PES1: variants seen among roughly 807,000 people sequenced by gnomAD.
PES1 encodes the protein pescadillo ribosomal biogenesis factor 1.
PES1 carries 31 observed loss-of-function variants against 77.1 expected under a neutral mutation model. The observed-to-expected ratio is 0.40, with a 90% CI of 0.30 to 0.54. PES1 has a LOEUF of 0.54. Among genes scored for constraint, PES1 ranks in the 20% least tolerant of loss-of-function variants. The pLI is 0.45. For synonymous variants in PES1, 282 were observed against 303.0 expected, an observed-to-expected ratio of 0.93 and a Z score of 0.72; for missense variants, 658 against 771.7, an observed-to-expected ratio of 0.85 and a Z score of 1.75.
intron 2 of PES1, chr22:30,601,797 C>T (rs1238282988): frequency 2.0e-5 from 3 of 148,400 alleles, no homozygotes; most frequent in Admixed American, 1.3e-4. Flanking sequence ...TTTCCAGACA[C>T]AGTCTCGCTC....
chr22:30,583,176 G>A (rs2087012793), intron 6 of PES1, among the ~76,000 whole-genome samples: 1 of 152,164 alleles, frequency 6.6e-6, no homozygotes, highest in Non-Finnish European at 1.5e-5. Context: ...AGGAGGAGGA[G>A]AGGAGGGCTG....
At chr22:30,598,126 C>T (rs769612887) in intron 2 of PES1, among the ~76,000 whole-genome samples, 14 of 152,110 alleles carry the variant, frequency 9.2e-5, no homozygotes, top group Non-Finnish European at 1.5e-4. Context: ...AAGTTTTATT[C>T]TTTCACTGTT....
At chr22:30,579,520 T>C in intron 12 of PES1, 1 of 750,612 alleles carries the variant, frequency 1.3e-6, no homozygotes, top group Non-Finnish European at 2.1e-6. Context: ...TCGCCTCCAA[T>C]GTAAACTCTG....
At chr22:30,592,168 T>C (rs2087191839), upstream of PES1, 1 of 1,117,380 alleles carries the variant, frequency 8.9e-7, no homozygotes, top group African/African-American at 1.6e-5. Flanking sequence ...CCTCGTTGCA[T>C]GTTGGGACGG....
At chr22:30,590,536 C>T (rs550548932) in intron 1 of PES1, among the ~76,000 whole-genome samples, 2 of 152,312 alleles carry the variant, frequency 1.3e-5, no homozygotes, top group South Asian at 4.1e-4. Context: ...GAGTTTCAGA[C>T]TGCCTTAAGA....
intron 4 of PES1, 84 bp from the exon 5 acceptor site, chr22:30,584,801 G>GC: frequency 4.3e-6 from 6 of 1,411,612 alleles, no homozygotes; most frequent in Non-Finnish European, 5.8e-6. Flanking sequence ...CACCCCAGAT[G>GC]CCCCGTTCCT....
chr22:30,579,969 GA>G (rs2086958149), intron 11 of PES1, 34 bp from the exon 12 acceptor site: 1 of 1,611,556 alleles, frequency 6.2e-7, no homozygotes, highest in Non-Finnish European at 8.5e-7. Context: ...ACGAGTCACA[GA>G]GGGCAACTCA....
chr22:30,601,349 C>G (rs975839759), intron 2 of PES1, among the ~76,000 whole-genome samples: 6 of 151,962 alleles, frequency 3.9e-5, no homozygotes, highest in Non-Finnish European at 7.3e-5. Context: ...GAGTCTCAGT[C>G]CGTCGCCCAG....
chr22:30,584,122 C>A lies in PES1; in HGVS notation c.630+243G>T, dbSNP rs1380024917. The stretch of plus-strand genomic sequence containing the variant: ...AGGGTGTAGACACTGTTAACTGAGG[C>A]ACAGAGAGGTGAAAGGAACACGTCC... On this transcript the variant is annotated intron_variant, in intron 6 of 14. Coordinates refer to ENST00000354694, the MANE Select transcript of PES1 (RefSeq NM_014303.4). The A allele has an allele frequency of 3.6e-5, 20 of 549,080 alleles. No individual in the cohort carries two copies. The South Asian group carries it at 4.0e-4, about 11-fold the overall frequency. 34.0% of individuals were successfully genotyped at this position (549,080 alleles called of 1,614,324 possible).
At position 30,584,577 on chromosome 22, in the gene PES1, T is replaced by A. The variant is rs1448008487; in HGVS notation, c.509A>T (p.His170Leu). ...CAGGGCACGGGCAGCGATAATGTAG[T>A]GCATGAACTCCACAGTGAGCCGGCG... ...LCRRLTVEFMHYIIAARALRK... is the reference protein window; with the variant it reads ...LCRRLTVEFMLYIIAARALRK... Residue 170 changes from histidine (H) to leucine (L), a missense_variant, in exon 5 of 15, where the codon CAC becomes CTC. His to Leu is a moderately conservative substitution (Grantham distance 99). Transcript: ENST00000354694. The A allele has an allele frequency of 6.2e-7, 1 of 1,612,398 alleles. No individual in the cohort carries two copies. Among genetic ancestry groups the A allele is most frequent in the African/African-American group, 1.3e-5 (1 of 74,842 alleles).
chr22:30,592,842 G>T (rs1033371440), upstream of PES1, among the ~76,000 whole-genome samples: 1 of 151,182 alleles, frequency 6.6e-6, no homozygotes, highest in Non-Finnish European at 1.5e-5. Flanking sequence ...CAACATATTC[G>T]AGCTTTTAAT....
rs867948632 is a variant in PES1 at position 30,588,068 on chromosome 22, T to C, written c.211A>G (p.Arg71Gly). 4 of 1,614,180 alleles carry C rather than the reference T, an allele frequency of 2.5e-6. No individual in the cohort carries two copies. Among genetic ancestry groups the C allele is most frequent in the African/African-American group, 1.3e-5 (1 of 75,044 alleles). ...ACAATGGGTTCGTGGAGGAGAAACC[T>C]GATGTCTTTGATAAGGTAAAACGTT... is the stretch of plus-strand genomic sequence containing the variant. ...ARTFYLIKDI[R>G]FLLHEPIVNK... Residue 71 changes from arginine to glycine, a missense_variant, in exon 3 of 15, where the codon AGG becomes GGG. Coordinates refer to ENST00000354694, the MANE Select transcript of PES1 (RefSeq NM_014303.4).
intron 6 of PES1, 168 bp downstream of exon 6, chr22:30,584,197 C>T (rs915660362): frequency 1.6e-6 from 1 of 633,000 alleles, no homozygotes; most frequent in African/African-American, 1.8e-5. Context: ...TAGGCTCCCG[C>T]TCTTAATGAG....
upstream of PES1, among the ~76,000 whole-genome samples, chr22:30,593,948 T>C (rs2087220772): frequency 6.6e-6 from 1 of 152,230 alleles, no homozygotes; most frequent in African/African-American, 2.4e-5. Context: ...GAATGTTATG[T>C]GACTCCAGGA....
chr22:30,579,432 A>G (rs996358025), intron 12 of PES1, 129 bp from the exon 13 acceptor site: 60 of 1,466,940 alleles, frequency 4.1e-5, no homozygotes, highest in East Asian at 1.4e-4. Flanking sequence ...GGATGTCCCA[A>G]TTGTGGCCCT....
In PES1 at chr22:30,579,215, C is replaced by G; in HGVS notation, c.1443G>C (p.Glu481Asp). Reference sequence around the variant, plus strand: ...TTTCTGAACCAGCCTCTGCATCTTCCTCCTCCTCCTCATTTTCTCCCTCTT... The same window carrying G: ...TTTCTGAACCAGCCTCTGCATCTTCGTCCTCCTCCTCATTTTCTCCCTCTT... ...GDEEGENEEE[E>D]EDAEAGSEKE... Residue 481 changes from glutamate to aspartate, a missense_variant, in exon 13 of 15, where the codon GAG becomes GAC. Glu to Asp is a conservative substitution (Grantham distance 45). Transcript: ENST00000354694. 1 of 1,601,634 alleles carries G rather than the reference C, an allele frequency of 6.2e-7. No homozygotes were observed. The highest frequency in any genetic ancestry group is 8.5e-7 in the Non-Finnish European group (1 of 1,175,220).
chr22:30,577,140 G>A lies in PES1; in HGVS notation c.1684-11C>T, dbSNP rs1400151205. On this transcript the variant is annotated splice_polypyrimidine_tract_variant and intron_variant, in intron 14 of 14. Coordinates refer to ENST00000354694, the MANE Select transcript of PES1 (RefSeq NM_014303.4). ...CGCCAGCTTGTTGGCCTGTGAGGGG[G>A]AAGGCGAAGGTCAGGCTGAGGTATG... is the stretch of plus-strand genomic sequence containing the variant. 3 of 1,612,412 alleles carry A rather than the reference G, an allele frequency of 1.9e-6. No homozygotes were observed. The highest frequency in any genetic ancestry group is 2.7e-5 in the African/African-American group (2 of 74,628).
chr22:30,601,620 A>G (rs1441963858), intron 2 of PES1, among the ~76,000 whole-genome samples: 1 of 151,378 alleles, frequency 6.6e-6, no homozygotes, highest in African/African-American at 2.4e-5. Flanking sequence ...AGCCTCATTC[A>G]TGTCTTTTTA....
intron 2 of PES1, among the ~76,000 whole-genome samples, chr22:30,602,547 T>A (rs1476411428): frequency 6.6e-6 from 1 of 151,886 alleles, no homozygotes; most frequent in Non-Finnish European, 1.5e-5. Context: ...TTTCTTTTCC[T>A]TTTTTTCTTT....
Sources: gnomAD v4.1 joint callset for allele counts (sites outside exome capture counted in the v4.1 genomes callset) on GRCh38, gnomAD v4.1.1 for gene constraint, MANE v1.5 for transcripts, NCBI Gene and HGNC (gene_info 2026-07-23, HGNC 2026-07-21) for gene names.